The following BTBD9 variants were observed in gnomAD, a reference collection of about 807,000 sequenced individuals.
The protein encoded by BTBD9 is BTB domain containing 9.
Under a neutral mutation model 64.3 loss-of-function variants are expected in BTBD9, and 49 were observed. The ratio of observed to expected loss-of-function variants is 0.76; its 90% confidence interval spans 0.61 to 0.97. The LOEUF (loss-of-function observed/expected upper bound fraction) is 0.97, where lower values mean the gene tolerates loss of function less well. Ranked by LOEUF, BTBD9 falls within the 50% of genes least tolerant of loss-of-function variation. The probability of loss-of-function intolerance (pLI) is 0.00; values close to 1 mark genes in which losing one functional copy is unlikely to be tolerated. For synonymous variants in BTBD9, 260 were observed against 274.7 expected (o/e 0.95, Z 0.53); for missense variants, 598 against 762.1 (o/e 0.78, Z 2.53).
intron 6 of BTBD9, among the ~76,000 whole-genome samples, chr6:38,534,409 T>C (rs1019851579): frequency 2.0e-4 from 30 of 150,556 alleles, no homozygotes; most frequent in African/African-American, 7.3e-4. Flanking sequence ...TGGGACCCGA[T>C]GGCTTCACTG....
intron 6 of BTBD9, among the ~76,000 whole-genome samples, chr6:38,410,437 C>T (rs1767371557): frequency 6.6e-6 from 1 of 152,116 alleles, no homozygotes; most frequent in African/African-American, 2.4e-5. Flanking sequence ...CACACTACTG[C>T]ACTCAAGCTT....
chr6:38,466,025 C>G (rs1433646133), intron 6 of BTBD9, among the ~76,000 whole-genome samples: 4 of 150,596 alleles, frequency 2.7e-5, no homozygotes, highest in Non-Finnish European at 5.9e-5. Context: ...GTTGTCCAGG[C>G]TAGTTTCAAG....
In BTBD9 at chr6:38,468,592, T is replaced by G. The variant is rs1770501501; in HGVS notation, c.1154+109008A>C. On this transcript the variant is annotated intron_variant, in intron 6 of 10. Transcript: ENST00000481247. ...CCTCACTTAATACATACTGCTTTAT[T>G]ATTTTGCATCTATCAAACTGTAAGC... is the stretch of plus-strand genomic sequence containing the variant. Among the ~76,000 whole-genome samples, 3 of 152,216 alleles carry G rather than the reference T, an allele frequency of 2.0e-5. No homozygotes were observed. The South Asian group carries it at 6.2e-4, about 32-fold the overall frequency.
At chr6:38,412,863 C>A (rs9394497) in intron 6 of BTBD9, among the ~76,000 whole-genome samples, 9 of 830 alleles carry the variant, frequency 0.011, no homozygotes, top group African/African-American at 0.083. Flanking sequence ...CATCTCAAAA[C>A]AACAACAACA....
chr6:38,431,791 T>C (rs991345133), intron 6 of BTBD9, among the ~76,000 whole-genome samples: 11 of 151,978 alleles, frequency 7.2e-5, no homozygotes, highest in Admixed American at 5.2e-4. Context: ...TATATCCCCA[T>C]TGCAGCAAGA....
intron 7 of BTBD9, among the ~76,000 whole-genome samples, chr6:38,329,436 C>T (rs1241885385): frequency 6.6e-6 from 1 of 151,580 alleles, no homozygotes; most frequent in Non-Finnish European, 1.5e-5. Flanking sequence ...GACTCTCCCA[C>T]CTAAGCCTCC....
rs79411262 is a variant in BTBD9 at position 38,634,635 on chromosome 6, C to T, written c.-28+5165G>A. On this transcript the variant is annotated intron_variant, in intron 1 of 10. Coordinates refer to ENST00000481247, the MANE Select transcript of BTBD9 (RefSeq NM_001099272.2). ...AAAGTCAAATGCACATAGCTACACA[C>T]CAGATATATGAAAGAAATTTTCTGT... is the stretch of plus-strand genomic sequence containing the variant. Among the ~76,000 whole-genome samples, 43 of 151,872 alleles carry T rather than the reference C, an allele frequency of 2.8e-4. No individual in the cohort carries two copies. The East Asian group carries it at 7.1e-3, about 25-fold the overall frequency.
At chr6:38,328,722 T>C (rs1763544784) in intron 7 of BTBD9, among the ~76,000 whole-genome samples, 1 of 151,588 alleles carries the variant, frequency 6.6e-6, no homozygotes. Context: ...CCGAGGTGGG[T>C]GGATCCCGAG....
At chr6:38,475,618 A>G (rs1179784309) in intron 6 of BTBD9, among the ~76,000 whole-genome samples, 1 of 152,238 alleles carries the variant, frequency 6.6e-6, no homozygotes, top group Non-Finnish European at 1.5e-5. Flanking sequence ...CACGCACAGC[A>G]TCATCCTATA....
intron 2 of BTBD9, among the ~76,000 whole-genome samples, chr6:38,596,590 G>A (rs1199900866): frequency 6.6e-6 from 1 of 151,904 alleles, no homozygotes; most frequent in African/African-American, 2.4e-5. Flanking sequence ...CACAAGGTCA[G>A]GAGATCCAGA....
intron 7 of BTBD9, among the ~76,000 whole-genome samples, chr6:38,337,337 A>T (rs1191922569): frequency 1.3e-5 from 2 of 152,240 alleles, no homozygotes; most frequent in African/African-American, 4.8e-5. Flanking sequence ...AAAATTTTAC[A>T]GCATTCTAAA....
rs1775633454 is a variant in BTBD9 at position 38,568,839 on chromosome 6, C to T, written c.1154+8761G>A. Among the ~76,000 whole-genome samples the T allele has an allele frequency of 3.9e-5, 6 of 152,284 alleles. No homozygotes were observed. In the South Asian group the frequency reaches 1.2e-3, roughly 32 times the overall value. ...GTTTTCTGTGACAACGTAATTTATA[C>T]TTCTTCGCAGGGAGTCTTTTAATCT... is the stretch of plus-strand genomic sequence containing the variant. On this transcript the variant is annotated intron_variant, in intron 6 of 10. Transcript: ENST00000481247.
chr6:38,274,901 G>A (rs1765326725), intron 8 of BTBD9, among the ~76,000 whole-genome samples: 1 of 152,154 alleles, frequency 6.6e-6, no homozygotes, highest in Non-Finnish European at 1.5e-5. Context: ...CATAAAATGA[G>A]TTAGGGAGGA....
intron 6 of BTBD9, among the ~76,000 whole-genome samples, chr6:38,534,258 G>T (rs933920396): frequency 6.6e-6 from 1 of 151,858 alleles, no homozygotes; most frequent in African/African-American, 2.4e-5. Flanking sequence ...CCAATAAATT[G>T]GAAAACCTAG....
chr6:38,448,953 T>A (rs1385929235), intron 6 of BTBD9, among the ~76,000 whole-genome samples: 1 of 152,146 alleles, frequency 6.6e-6, no homozygotes, highest in African/African-American at 2.4e-5. Context: ...TACTATTCAA[T>A]CACAACTCAG....
rs201595889 is a variant in BTBD9 at position 38,194,104 on chromosome 6, C to T, written c.1563-1507G>A. Among the ~76,000 whole-genome samples, 4 of 152,034 alleles carry T rather than the reference C, an allele frequency of 2.6e-5. No individual in the cohort carries two copies. The East Asian group carries it at 7.7e-4, about 29-fold the overall frequency. On this transcript the variant is annotated intron_variant, in intron 9 of 10. Transcript: ENST00000481247. ...GGGCGACTGCTGTCCTCCCAGACCC[C>T]CAGCTCTCTTGGGGAGTTTGCTAGA...
intron 9 of BTBD9, among the ~76,000 whole-genome samples, chr6:38,209,442 C>T (rs1294424782): frequency 6.6e-6 from 1 of 152,204 alleles, no homozygotes; most frequent in Non-Finnish European, 1.5e-5. Flanking sequence ...TAAGAACTAA[C>T]TACAGTCCTC....
chr6:38,242,297 C>T (rs1764018617), intron 9 of BTBD9, among the ~76,000 whole-genome samples: 1 of 152,168 alleles, frequency 6.6e-6, no homozygotes, highest in Non-Finnish European at 1.5e-5. Context: ...AACTCCATCC[C>T]ATACTCTGAT....
chr6:38,293,529 C>A (rs1278186517), intron 7 of BTBD9, among the ~76,000 whole-genome samples: 2 of 152,164 alleles, frequency 1.3e-5, no homozygotes, highest in Non-Finnish European at 2.9e-5. Context: ...CTACAACCAT[C>A]TGATCTTTGA....
Sources: allele counts gnomAD v4.1 joint callset (sites outside exome capture counted in the v4.1 genomes callset), GRCh38; gene constraint gnomAD v4.1.1; transcripts MANE v1.5; gene names NCBI Gene and HGNC (gene_info 2026-07-23, HGNC 2026-07-21).